The following DYTN variants were observed in gnomAD, a reference collection of about 807,000 sequenced individuals.
DYTN encodes the protein dystrotelin.
A neutral mutation model predicts 69.6 loss-of-function variants in DYTN; 75 were observed. The ratio of observed to expected loss-of-function variants is 1.08; its 90% confidence interval spans 0.89 to 1.31. DYTN has a LOEUF of 1.31. Among genes scored for constraint, DYTN ranks in the 50% most tolerant of loss-of-function variants. The probability of loss-of-function intolerance (pLI) is 0.00; values close to 1 mark genes in which losing one functional copy is unlikely to be tolerated. For missense variants in DYTN, 726 were observed against 688.4 expected (o/e 1.05, Z -0.61); for synonymous variants, 252 against 249.1 (o/e 1.01, Z -0.11).
chr2:206,662,926 G>A lies in DYTN; in HGVS notation c.1610C>T (p.Ala537Val). 9 of 1,613,124 alleles carry A rather than the reference G, an allele frequency of 5.6e-6. No individual in the cohort carries two copies. The highest frequency in any genetic ancestry group is 7.6e-6 in the Non-Finnish European group (9 of 1,179,636). The change falls in exon 11 of 12, where the codon GCC becomes GTC. Residue 537 changes from alanine to valine, a missense_variant. Transcript: ENST00000452335. ...LQELLSKLMD[A>V]FNLETPSGPE... ...ACCTGATGGCGTTTCTAGATTGAAG[G>A]CATCCATAAGTTTTGACAATAGTTC...
chr2:206,668,128 CA>C lies in DYTN; in HGVS notation c.981-2100del, dbSNP rs139549585. ...CCCAGGGATTTTACACAGCCAACAA[CA>C]AAAAAACATTCTCAGACAGCCTGTC... On this transcript the variant is annotated intron_variant, in intron 9 of 11. Transcript: ENST00000452335. Among the ~76,000 whole-genome samples, 502 of 152,126 alleles carry C rather than the reference CA, an allele frequency of 3.3e-3. 2 individuals are homozygous for C. The highest frequency in any genetic ancestry group is 0.012 in the African/African-American group (479 of 41,496).
At chr2:206,713,366 GC>G (rs1700097178) in intron 1 of DYTN, among the ~76,000 whole-genome samples, 1 of 152,188 alleles carries the variant, frequency 6.6e-6, no homozygotes, top group African/African-American at 2.4e-5. Flanking sequence ...AGGTAACACA[GC>G]CTTTTTGAGG....
intron 1 of DYTN, among the ~76,000 whole-genome samples, chr2:206,712,668 C>T (rs533366845): frequency 1.3e-5 from 2 of 152,276 alleles, no homozygotes; most frequent in Non-Finnish European, 2.9e-5. Context: ...GGCACATGTT[C>T]CCTTAGCCAC....
intron 7 of DYTN, among the ~76,000 whole-genome samples, chr2:206,697,350 T>C (rs1235117115): frequency 6.6e-6 from 1 of 152,164 alleles, no homozygotes; most frequent in Non-Finnish European, 1.5e-5. Context: ...TGACATGTCC[T>C]TCTAGAATTT....
intron 9 of DYTN, among the ~76,000 whole-genome samples, chr2:206,683,145 A>G (rs1439758990): frequency 2.0e-5 from 3 of 152,124 alleles, no homozygotes; most frequent in Non-Finnish European, 2.9e-5. Flanking sequence ...ATTTAGGAAA[A>G]TGTTTATATA....
chr2:206,675,610 C>A (rs1422359168), intron 9 of DYTN, among the ~76,000 whole-genome samples: 1 of 151,836 alleles, frequency 6.6e-6, no homozygotes, highest in Non-Finnish European at 1.5e-5. Context: ...ATAGAGAAAC[C>A]TAAATATCAC....
chr2:206,705,853 T>C lies in DYTN; in HGVS notation c.317A>G (p.Gln106Arg). The change falls in exon 4 of 12, where the codon CAG becomes CGG. Residue 106 changes from glutamine (Q) to arginine (R), a missense_variant. Gln to Arg is a conservative substitution (Grantham distance 43). Coordinates refer to ENST00000452335, the MANE Select transcript of DYTN (RefSeq NM_001093730.1). Reference sequence around the variant, plus strand: ...TAGGGCAGCGGCCGCAGGCATAAGCTGGAGAAAACCTGTTCCTTTGCTGCA... The same window carrying C: ...TAGGGCAGCGGCCGCAGGCATAAGCCGGAGAAAACCTGTTCCTTTGCTGCA... ...MYNSKGTGFLQLMPAAAALIT... is the reference protein window; with the variant it reads ...MYNSKGTGFLRLMPAAAALIT... 2 of 1,613,852 alleles carry C rather than the reference T, an allele frequency of 1.2e-6. No homozygotes were observed. Among genetic ancestry groups the C allele is most frequent in the South Asian group, 2.2e-5 (2 of 91,038 alleles).
chr2:206,717,204 G>T (rs1700138408), intron 1 of DYTN, among the ~76,000 whole-genome samples: 1 of 152,144 alleles, frequency 6.6e-6, no homozygotes, highest in Non-Finnish European at 1.5e-5. Flanking sequence ...GAAGCAAAAT[G>T]ATTGGGAAAT....
chr2:206,671,755 G>T (rs1436557948), intron 9 of DYTN, among the ~76,000 whole-genome samples: 1 of 152,132 alleles, frequency 6.6e-6, no homozygotes, highest in African/African-American at 2.4e-5. Context: ...ATCTTTAAAA[G>T]AATTTCTTGC....
At chr2:206,674,854 C>T (rs1302529369) in intron 9 of DYTN, among the ~76,000 whole-genome samples, 7 of 151,800 alleles carry the variant, frequency 4.6e-5, no homozygotes, top group Admixed American at 3.3e-4. Flanking sequence ...ACACCTCCCC[C>T]AAAAAAGTTT....
chr2:206,655,062 GA>G (rs899312765), intron 11 of DYTN, among the ~76,000 whole-genome samples: 1 of 152,068 alleles, frequency 6.6e-6, no homozygotes, highest in Non-Finnish European at 1.5e-5. Flanking sequence ...TGATCTTAAA[GA>G]AAAAAACTTC....
At chr2:206,666,912 G>A (rs973946223) in intron 9 of DYTN, among the ~76,000 whole-genome samples, 4 of 151,522 alleles carry the variant, frequency 2.6e-5, no homozygotes, top group East Asian at 2.0e-4. Flanking sequence ...AGCTGAGTGC[G>A]GTGGCACCTG....
At chr2:206,705,729 C>A (rs1700018406) in intron 4 of DYTN, 59 bp downstream of exon 4, 7 of 1,506,268 alleles carry the variant, frequency 4.6e-6, no homozygotes, top group Non-Finnish European at 6.4e-6. Flanking sequence ...TATAGGATAA[C>A]AGGTTGGGGA....
intron 1 of DYTN, among the ~76,000 whole-genome samples, chr2:206,714,320 A>G (rs1193827559): frequency 1.3e-5 from 2 of 152,108 alleles, no homozygotes; most frequent in Non-Finnish European, 2.9e-5. Flanking sequence ...CTCCTGCCTC[A>G]GCCTCCCGAG....
rs559888778 is a variant in DYTN at position 206,705,282 on chromosome 2, G to A, written c.383-339C>T. 3.3e-5 allele frequency among the ~76,000 whole-genome samples: 5 copies of A among 152,246 alleles called. No individual in the cohort carries two copies. The East Asian group carries it at 9.7e-4, about 29-fold the overall frequency. On this transcript the variant is annotated intron_variant, in intron 4 of 11. Coordinates refer to ENST00000452335, the MANE Select transcript of DYTN (RefSeq NM_001093730.1). Reference sequence around the variant, plus strand: ...CGGCTAATTTTTTGTATTTTTAGTAGAGACAGGGTTTCTCCATGTTTGTCA... The same window carrying A: ...CGGCTAATTTTTTGTATTTTTAGTAAAGACAGGGTTTCTCCATGTTTGTCA...
intron 1 of DYTN, among the ~76,000 whole-genome samples, chr2:206,717,948 A>G (rs1700144141): frequency 6.6e-6 from 1 of 152,148 alleles, no homozygotes. Context: ...ATAGTAAACT[A>G]TGAATATACA....
intron 9 of DYTN, among the ~76,000 whole-genome samples, chr2:206,683,173 T>C (rs1699769127): frequency 6.6e-6 from 1 of 152,114 alleles, no homozygotes; most frequent in African/African-American, 2.4e-5. Context: ...TTCTAACTCT[T>C]GGCTCTCTTT....
intron 9 of DYTN, among the ~76,000 whole-genome samples, chr2:206,677,886 A>G (rs1012648853): frequency 6.6e-6 from 1 of 152,094 alleles, no homozygotes; most frequent in Non-Finnish European, 1.5e-5. Flanking sequence ...GCTACTTGAG[A>G]GGCTGAGGCA....
intron 11 of DYTN, among the ~76,000 whole-genome samples, chr2:206,652,879 A>G (rs1699404089): frequency 6.6e-6 from 1 of 152,228 alleles, no homozygotes; most frequent in Non-Finnish European, 1.5e-5. Flanking sequence ...ATTTTTTAAA[A>G]AATCTGTGCA....
Sources: gnomAD v4.1 joint callset for allele counts (sites outside exome capture counted in the v4.1 genomes callset) on GRCh38, gnomAD v4.1.1 for gene constraint, MANE v1.5 for transcripts, NCBI Gene and HGNC (gene_info 2026-07-23, HGNC 2026-07-21) for gene names.